WWOX: variants seen among roughly 807,000 people sequenced by gnomAD.
WWOX encodes WW domain containing oxidoreductase.
WWOX carries 69 observed loss-of-function variants against 46.2 expected under a neutral mutation model. The observed-to-expected ratio is 1.49, with a 90% CI of 1.23 to 1.82. WWOX has a LOEUF of 1.82. WWOX is among the 40% of genes most tolerant of loss of function. The probability of loss-of-function intolerance (pLI) is 0.00; values close to 1 mark genes in which losing one functional copy is unlikely to be tolerated. For synonymous variants in WWOX, 359 were observed against 202.6 expected (o/e 1.77, Z -6.56); for missense variants, 919 against 542.6 (o/e 1.69, Z -6.89).
intron 6 of WWOX, among the ~76,000 whole-genome samples, chr16:78,406,128 G>C (rs1027200750): frequency 4.6e-5 from 7 of 151,250 alleles, no homozygotes; most frequent in Admixed American, 3.3e-4. Context: ...TTGCAGTCTT[G>C]CTTTCTCAAA....
At chr16:78,570,584 G>T (rs1267566074) in intron 8 of WWOX, among the ~76,000 whole-genome samples, 1 of 152,112 alleles carries the variant, frequency 6.6e-6, no homozygotes, top group African/African-American at 2.4e-5. Context: ...AAAGTACAGG[G>T]ATTATAGGTG....
At chr16:78,907,966 G>A (rs1380115920) in intron 8 of WWOX, among the ~76,000 whole-genome samples, 3 of 152,182 alleles carry the variant, frequency 2.0e-5, no homozygotes, top group Non-Finnish European at 4.4e-5. Context: ...TGGGATCAGT[G>A]CACAGCTTTG....
intron 4 of WWOX, among the ~76,000 whole-genome samples, chr16:78,115,909 T>G (rs547601023): frequency 6.6e-6 from 1 of 152,322 alleles, no homozygotes; most frequent in Non-Finnish European, 1.5e-5. Context: ...CTGTCTTCTG[T>G]CAAGTTCTCT....
intron 8 of WWOX, among the ~76,000 whole-genome samples, chr16:78,717,748 G>T (rs1453722029): frequency 1.3e-5 from 2 of 152,174 alleles, no homozygotes; most frequent in African/African-American, 4.8e-5. Flanking sequence ...GGACTCTGAT[G>T]GATCTAATCG....
chr16:79,100,630 C>T (rs184801945), intron 8 of WWOX, among the ~76,000 whole-genome samples: 47 of 152,124 alleles, frequency 3.1e-4, no homozygotes, highest in African/African-American at 7.2e-4. Flanking sequence ...GTTGACAGGC[C>T]GCGTTGCAAT....
intron 5 of WWOX, among the ~76,000 whole-genome samples, chr16:78,383,163 A>T (rs1401463940): frequency 1.3e-5 from 2 of 151,738 alleles, no homozygotes; most frequent in African/African-American, 2.4e-5. Context: ...AGTATTGGGG[A>T]TTACAATTTA....
intron 8 of WWOX, among the ~76,000 whole-genome samples, chr16:78,511,497 C>T (rs1012465994): frequency 2.6e-5 from 4 of 152,184 alleles, no homozygotes; most frequent in African/African-American, 9.7e-5. Context: ...AGGCCTGTTG[C>T]CCCCAAGCCT....
intron 8 of WWOX, among the ~76,000 whole-genome samples, chr16:79,020,265 C>A (rs1009955943): frequency 6.6e-6 from 1 of 152,206 alleles, no homozygotes; most frequent in South Asian, 2.1e-4. Context: ...ATGGAGAGGA[C>A]AGTGCCTGGG....
chr16:79,115,187 A>G (rs2049491223), intron 8 of WWOX, among the ~76,000 whole-genome samples: 1 of 152,334 alleles, frequency 6.6e-6, no homozygotes, highest in East Asian at 1.9e-4. Context: ...CATGGATTCA[A>G]ATGGGGTTGC....
At chr16:78,793,811 C>G (rs1021698982) in intron 8 of WWOX, among the ~76,000 whole-genome samples, 1 of 151,744 alleles carries the variant, frequency 6.6e-6, no homozygotes, top group Non-Finnish European at 1.5e-5. Context: ...CAAGGTGGCT[C>G]ACGTCTGTAA....
intron 8 of WWOX, among the ~76,000 whole-genome samples, chr16:78,877,229 G>T (rs1008080705): frequency 6.6e-6 from 1 of 152,060 alleles, no homozygotes; most frequent in Admixed American, 6.5e-5. Flanking sequence ...TGATTAAAAG[G>T]CAAAATCGTC....
chr16:78,603,576 C>G (rs2550605), intron 8 of WWOX, among the ~76,000 whole-genome samples: 1 of 151,956 alleles, frequency 6.6e-6, no homozygotes, highest in South Asian at 2.1e-4. Context: ...CACCTGTAGT[C>G]CCAGCTACTC....
At chr16:78,556,510 C>T (rs1322062821) in intron 8 of WWOX, among the ~76,000 whole-genome samples, 1 of 152,072 alleles carries the variant, frequency 6.6e-6, no homozygotes, top group African/African-American at 2.4e-5. Context: ...ATCTTAACTA[C>T]AATTAGAGTA....
At chr16:78,123,156 TTTG>T (rs2033178857) in intron 4 of WWOX, 1 of 150,124 alleles carries the variant, frequency 6.7e-6, no homozygotes, top group South Asian at 2.3e-4. Context: ...TAGTGTCGTG[TTTG>T]TTTCTTTTTC....
chr16:79,080,490 A>G (rs114602793), intron 8 of WWOX, among the ~76,000 whole-genome samples: 2 of 152,190 alleles, frequency 1.3e-5, no homozygotes, highest in South Asian at 2.1e-4. Flanking sequence ...TCAGCTGTTT[A>G]TACTCCTCTT....
chr16:78,537,671 G>A lies in WWOX; in HGVS notation c.1056+104919G>A, dbSNP rs146815729. ...GTTGTTGTTGTGACAACTGTCTCGG[G>A]GGCTGGAGTTAGAGCCAGGGTCCCA... On this transcript the variant is annotated intron_variant, in intron 8 of 8. Transcript: ENST00000566780. Among the ~76,000 whole-genome samples the A allele has an allele frequency of 5.7e-3, 861 of 152,180 alleles. 7 individuals carry two copies. The highest frequency in any genetic ancestry group is 9.7e-3 in the Admixed American group (148 of 15,282).
At chr16:79,194,561 AG>A (rs150801845) in intron 8 of WWOX, among the ~76,000 whole-genome samples, 3,645 of 152,268 alleles carry the variant, frequency 0.024, 149 homozygotes, top group African/African-American at 0.083. Flanking sequence ...CCGACGTTAC[AG>A]GCAGCAGTGT....
At chr16:78,687,360 C>T (rs1025647034) in intron 8 of WWOX, among the ~76,000 whole-genome samples, 2 of 152,172 alleles carry the variant, frequency 1.3e-5, no homozygotes, top group East Asian at 1.9e-4. Flanking sequence ...AGAAGAGAAT[C>T]GAAAATGCGA....
chr16:78,936,659 C>G (rs1207031587), intron 8 of WWOX, among the ~76,000 whole-genome samples: 2 of 151,990 alleles, frequency 1.3e-5, no homozygotes, highest in Admixed American at 6.6e-5. Context: ...ACTTTTTCCT[C>G]TTGGTTTGGA....
Sources: allele counts gnomAD v4.1 joint callset (sites outside exome capture counted in the v4.1 genomes callset), GRCh38; gene constraint gnomAD v4.1.1; transcripts MANE v1.5; gene names NCBI Gene and HGNC (gene_info 2026-07-23, HGNC 2026-07-21).